Variants in FZD3 observed in about 807,000 individuals in gnomAD.
FZD3 encodes the protein frizzled-3.
Under a neutral mutation model 60.7 loss-of-function variants are expected in FZD3, and 30 were observed. That is an observed-to-expected ratio of 0.49 (90% CI 0.37 to 0.67). The LOEUF is 0.67. FZD3 is among the 30% of genes least tolerant of loss of function. The probability of loss-of-function intolerance (pLI) is 0.00; values close to 1 mark genes in which losing one functional copy is unlikely to be tolerated. For synonymous variants in FZD3, 246 were observed against 275.2 expected, an observed-to-expected ratio of 0.89 and a Z score of 1.05; for missense variants, 605 against 838.7, an observed-to-expected ratio of 0.72 and a Z score of 3.44.
chr8:28,538,283 A>C (rs944775224), intron 5 of FZD3, among the ~76,000 whole-genome samples: 7 of 152,242 alleles, frequency 4.6e-5, no homozygotes, highest in Admixed American at 2.0e-4. Context: ...ATTTAAGGAA[A>C]TAATTTTAGT....
chr8:28,563,120 G>T lies in FZD3; in HGVS notation c.*109G>T, dbSNP rs570585343. On this transcript the variant is annotated 3_prime_UTR_variant, in exon 8 of 8. Transcript: ENST00000240093. ...TCACAGTTAACATGCTTTCAGTCAA[G>T]TACAGATTGTGTCCACTGGAAAGGT... The T allele has an allele frequency of 5.4e-6, 4 of 746,226 alleles. No individual in the cohort carries two copies. Among genetic ancestry groups the T allele is most frequent in the Non-Finnish European group, 9.6e-6 (4 of 416,486 alleles). The allele number at this position is 746,226 out of a possible 1,614,324, so 46.2% of individuals were successfully genotyped here.
chr8:28,542,591 TC>T (rs1382241901), intron 5 of FZD3, among the ~76,000 whole-genome samples: 1 of 152,100 alleles, frequency 6.6e-6, no homozygotes, highest in Non-Finnish European at 1.5e-5. Flanking sequence ...TGAGCCAAGA[TC>T]CTGCCACTGC....
rs148525792 is a variant in FZD3, at chr8:28,527,608, A to G, written c.848A>G (p.Asn283Ser). 157 of 1,613,904 alleles carry G rather than the reference A, an allele frequency of 9.7e-5. No individual in the cohort carries two copies. The highest frequency in any genetic ancestry group is 1.3e-4 in the Non-Finnish European group (149 of 1,179,930). Residue 283 changes from asparagine to serine, a missense_variant, in exon 5 of 8, where the codon AAT becomes AGT. Coordinates refer to ENST00000240093, the MANE Select transcript of FZD3 (RefSeq NM_017412.4). This position sits in a 1 kb window ranked among gnomAD's most constrained non-coding sequence, Gnocchi z 5.0. ...KASTVTQGSHNKACTMLFMIL... is the reference protein window; with the variant it reads ...KASTVTQGSHSKACTMLFMIL... ...TCCACAGTGACACAAGGATCTCATA[A>G]TAAAGCCTGTACCATGCTTTTTATG...
intron 5 of FZD3, among the ~76,000 whole-genome samples, chr8:28,529,272 C>G (rs1051727857): frequency 2.6e-5 from 4 of 152,098 alleles, no homozygotes; most frequent in African/African-American, 9.7e-5. Flanking sequence ...AATGTGGTGT[C>G]TCCTGTTCAT....
intron 6 of FZD3, among the ~76,000 whole-genome samples, chr8:28,552,419 G>A (rs984993429): frequency 3.3e-5 from 5 of 152,064 alleles, no homozygotes; most frequent in Non-Finnish European, 4.4e-5. Flanking sequence ...TTAAATTTTT[G>A]TACCTTAGTT....
chr8:28,539,727 T>C (rs1196946175), intron 5 of FZD3, among the ~76,000 whole-genome samples: 1 of 152,116 alleles, frequency 6.6e-6, no homozygotes, highest in Non-Finnish European at 1.5e-5. Flanking sequence ...GCAAACCCAA[T>C]GCAATATGTA....
intron 5 of FZD3, among the ~76,000 whole-genome samples, chr8:28,538,875 A>G (rs2130422667): frequency 6.7e-6 from 1 of 149,870 alleles, no homozygotes; most frequent in African/African-American, 2.4e-5. Context: ...TATATAATAT[A>G]TTTTGGCATA....
intron 3 of FZD3, among the ~76,000 whole-genome samples, chr8:28,520,325 A>G (rs1196655266): frequency 2.0e-5 from 3 of 151,784 alleles, no homozygotes; most frequent in African/African-American, 2.4e-5. Context: ...CATTTGGTGC[A>G]TGTCTTTTGT....
intron 1 of FZD3, among the ~76,000 whole-genome samples, chr8:28,496,505 T>C (rs1803848392): frequency 6.6e-6 from 1 of 152,120 alleles, no homozygotes; most frequent in Non-Finnish European, 1.5e-5. Context: ...ACTGCAGCTG[T>C]GCGCAAAAAT....
At chr8:28,525,551 A>G (rs1804694712) in intron 4 of FZD3, among the ~76,000 whole-genome samples, 1 of 152,214 alleles carries the variant, frequency 6.6e-6, no homozygotes, top group African/African-American at 2.4e-5. Flanking sequence ...TCACAGAACA[A>G]CAGGAGACCA....
At chr8:28,520,539 A>G (rs1804550107) in intron 3 of FZD3, 99 bp from the exon 4 acceptor site, 1 of 743,510 alleles carries the variant, frequency 1.3e-6, no homozygotes, top group Admixed American at 2.9e-5. Context: ...TAACCCTCAG[A>G]ATTTTCTTGT....
intron 5 of FZD3, among the ~76,000 whole-genome samples, chr8:28,545,996 T>C (rs1402655221): frequency 6.6e-6 from 1 of 152,200 alleles, no homozygotes; most frequent in Non-Finnish European, 1.5e-5. Context: ...TGTAATACAA[T>C]TGTTTGCATT....
At chr8:28,525,947 C>T (rs1178577574) in intron 4 of FZD3, among the ~76,000 whole-genome samples, 1 of 151,978 alleles carries the variant, frequency 6.6e-6, no homozygotes, top group Non-Finnish European at 1.5e-5. Context: ...CAAGGATAAC[C>T]CCAAGGTTTT....
intron 3 of FZD3, among the ~76,000 whole-genome samples, chr8:28,517,129 T>C (rs1053711975): frequency 2.0e-5 from 3 of 152,242 alleles, no homozygotes; most frequent in East Asian, 1.9e-4. Flanking sequence ...GCATTTCTTT[T>C]AGTGCAGTTT....
intron 5 of FZD3, among the ~76,000 whole-genome samples, chr8:28,529,158 A>G (rs1185895397): frequency 1.3e-5 from 2 of 151,974 alleles, no homozygotes; most frequent in East Asian, 3.9e-4. Flanking sequence ...CCCTCAAGTG[A>G]TCTTCCCTCC....
At chr8:28,510,704 G>A (rs17438384) in intron 3 of FZD3, among the ~76,000 whole-genome samples, 35,870 of 152,148 alleles carry the variant, frequency 0.24, 5,412 homozygotes, top group Non-Finnish European at 0.32. Context: ...AATAGAATTG[G>A]TTATAAGGAT....
chr8:28,543,226 T>C (rs540849631), intron 5 of FZD3, among the ~76,000 whole-genome samples: 1 of 152,334 alleles, frequency 6.6e-6, no homozygotes, highest in South Asian at 2.1e-4. Context: ...GCCTTCATCC[T>C]CTTCATCGTA....
chr8:28,506,667 T>C (rs1204240562), intron 3 of FZD3, among the ~76,000 whole-genome samples: 2 of 152,200 alleles, frequency 1.3e-5, no homozygotes, highest in East Asian at 1.9e-4. Context: ...TCATTCTCAT[T>C]AAAGATTTTT....
Position 28,563,614 on chromosome 8 carries a change from A to G in FZD3, c.*603A>G, listed in dbSNP as rs2130479933. 6.5e-6 allele frequency: 1 copy of G among 152,748 alleles called. No individual in the cohort carries two copies. The highest frequency in any genetic ancestry group is 2.1e-4 in the South Asian group (1 of 4,846). 9.5% of individuals were successfully genotyped at this position (152,748 alleles called of 1,614,324 possible). A position where few individuals can be genotyped will look rare whatever the true frequency, so the allele number is the denominator to read the frequency against. ...GGTTCTCTTAAAATTCTATCGAAAT[A>G]ATCTTCATGCAGAGATATTCAGGGT... is the stretch of plus-strand genomic sequence containing the variant. On this transcript the variant is annotated 3_prime_UTR_variant, in exon 8 of 8. Coordinates refer to ENST00000240093, the MANE Select transcript of FZD3 (RefSeq NM_017412.4).
Sources: allele counts gnomAD v4.1 joint callset (sites outside exome capture counted in the v4.1 genomes callset), GRCh38; gene constraint gnomAD v4.1.1; non-coding constraint Gnocchi (gnomAD v3.1); transcripts MANE v1.5; gene names NCBI Gene and HGNC (gene_info 2026-07-23, HGNC 2026-07-21).